ATP2B4: variants seen among roughly 807,000 people sequenced by gnomAD.
The protein encoded by ATP2B4 is plasma membrane calcium-transporting ATPase 4.
Under a neutral mutation model 110.3 loss-of-function variants are expected in ATP2B4, and 39 were observed. That is an observed-to-expected ratio of 0.35 (90% CI 0.27 to 0.46). ATP2B4 has a LOEUF of 0.46. Ranked by LOEUF, ATP2B4 falls within the 20% of genes least tolerant of loss-of-function variation. ATP2B4 has a pLI of 1.00. For missense variants in ATP2B4, 1,135 were observed against 1,530.9 expected (o/e 0.74, Z 4.32); for synonymous variants, 538 against 571.7 (o/e 0.94, Z 0.84).
chr1:203,712,386 A>G (rs1160567105), intron 13 of ATP2B4, among the ~76,000 whole-genome samples: 1 of 152,026 alleles, frequency 6.6e-6, no homozygotes, highest in African/African-American at 2.4e-5. Flanking sequence ...AGGTCAAGAG[A>G]TAGAGACCAT....
chr1:203,652,177 C>T (rs1664018811), intron 1 of ATP2B4, among the ~76,000 whole-genome samples: 1 of 143,728 alleles, frequency 7.0e-6, no homozygotes, highest in Non-Finnish European at 1.5e-5. Flanking sequence ...CAGAGTCTCA[C>T]TCTGTCCCCT....
chr1:203,715,388 A>G (rs1463097313), intron 15 of ATP2B4, among the ~76,000 whole-genome samples: 2 of 142,632 alleles, frequency 1.4e-5, no homozygotes, highest in South Asian at 2.4e-4. Context: ...CCCCAGCTCT[A>G]CTAAAAATAC....
intron 1 of ATP2B4, among the ~76,000 whole-genome samples, chr1:203,673,133 C>G (rs1664723766): frequency 6.6e-6 from 1 of 152,144 alleles, no homozygotes; most frequent in African/African-American, 2.4e-5. Context: ...TTTGGAACCT[C>G]GCAACATTTT....
chr1:203,727,733 G>C, intron 20 of ATP2B4, 162 bp downstream of exon 20: 1 of 806,092 alleles, frequency 1.2e-6, no homozygotes. Context: ...ACACGCAAAA[G>C]GATCTGTGTG....
chr1:203,686,924 A>T (rs1665210170), intron 2 of ATP2B4, among the ~76,000 whole-genome samples: 1 of 146,502 alleles, frequency 6.8e-6, no homozygotes, highest in African/African-American at 2.5e-5. Context: ...CGAACTCCTG[A>T]CCTCAGGTGA....
chr1:203,670,789 G>A (rs534073355), intron 1 of ATP2B4, among the ~76,000 whole-genome samples: 20 of 152,214 alleles, frequency 1.3e-4, no homozygotes, highest in Non-Finnish European at 2.6e-4. Context: ...CTGTCAGTTA[G>A]GACTTTAACC....
intron 1 of ATP2B4, among the ~76,000 whole-genome samples, chr1:203,630,465 C>T (rs80169465): frequency 0.021 from 3,213 of 150,888 alleles, 52 homozygotes; most frequent in Non-Finnish European, 0.034. Context: ...TGCAGACCCA[C>T]TAAGCCTTGG....
rs539003097 is a variant in ATP2B4, at chr1:203,707,921, C to T, written c.1374C>T (p.Asn458=). The T allele has an allele frequency of 6.9e-5, 112 of 1,614,148 alleles. No homozygotes were observed. The highest frequency in any genetic ancestry group is 6.4e-4 in the South Asian group (58 of 91,080). The change falls in exon 10 of 21, where the codon AAC becomes AAT. Residue 458 remains asparagine, a synonymous_variant. Transcript: ENST00000357681. ...RHLDACETMG[N]ATAICSDKTG... ...TGGATGCTTGTGAGACCATGGGCAA[C>T]GCCACCGCCATCTGCTCTGATAAGA...
chr1:203,673,290 C>A (rs1454594850), intron 1 of ATP2B4, among the ~76,000 whole-genome samples: 1 of 152,174 alleles, frequency 6.6e-6, no homozygotes, highest in Non-Finnish European at 1.5e-5. Flanking sequence ...CCCCAGTTCT[C>A]CAGAGGATCC....
intron 20 of ATP2B4, chr1:203,729,488 T>G (rs756525017): frequency 3.3e-4 from 121 of 369,004 alleles, no homozygotes; most frequent in Middle Eastern, 1.8e-3. Context: ...GAGGTTGCAG[T>G]GAGCTGAGAT....
In ATP2B4 at chr1:203,707,974, C is replaced by G; in HGVS notation, c.1427C>G (p.Thr476Ser). Reference protein sequence around the residue: ...KTGTLTMNRMTVVQAYIGGIH... With the variant: ...KTGTLTMNRMSVVQAYIGGIH... ...GGCACGTTGACCATGAACCGCATGA[C>G]TGTGGTACAAGCTTATATTGGGGGC... The change falls in exon 10 of 21, where the codon ACT becomes AGT. Residue 476 changes from threonine to serine, a missense_variant. By Grantham distance (58) the Thr-to-Ser change is moderately conservative. This residue lies in a region of ATP2B4 where 368 missense variants were observed against 455.9 expected (regional missense o/e 0.81). Coordinates refer to ENST00000357681, the MANE Select transcript of ATP2B4 (RefSeq NM_001684.5). 1 of 1,614,208 alleles carries G rather than the reference C, an allele frequency of 6.2e-7. No individual in the cohort carries two copies. Among genetic ancestry groups the G allele is most frequent in the South Asian group, 1.1e-5 (1 of 91,084 alleles).
chr1:203,640,030 T>A (rs1663579492), intron 1 of ATP2B4, among the ~76,000 whole-genome samples: 1 of 152,220 alleles, frequency 6.6e-6, no homozygotes, highest in Non-Finnish European at 1.5e-5. Context: ...TTGCCCTCTT[T>A]AAAGTTTGTA....
At chr1:203,718,264 AATTTTATTTTATTTT>A (rs140862881) in intron 15 of ATP2B4, among the ~76,000 whole-genome samples, 111 of 149,762 alleles carry the variant, frequency 7.4e-4, no homozygotes, top group Middle Eastern at 3.4e-3. Context: ...ATAACTTTCT[AATTTTATTTTATTTT>A]ATTTTATTTT....
chr1:203,709,791 G>A (rs1665953717), intron 11 of ATP2B4, among the ~76,000 whole-genome samples: 1 of 152,234 alleles, frequency 6.6e-6, no homozygotes, highest in Non-Finnish European at 1.5e-5. Flanking sequence ...TGAGAAAACA[G>A]AGATATAAGG....
At chr1:203,699,928 C>G (rs576234372) in intron 4 of ATP2B4, among the ~76,000 whole-genome samples, 24 of 152,096 alleles carry the variant, frequency 1.6e-4, no homozygotes, top group Non-Finnish European at 3.1e-4. Flanking sequence ...AGACTTGTAC[C>G]CTGTGTGTCT....
chr1:203,657,947 G>GC (rs900230000), intron 1 of ATP2B4, among the ~76,000 whole-genome samples: 3 of 151,820 alleles, frequency 2.0e-5, no homozygotes, highest in Non-Finnish European at 4.4e-5. Context: ...CAAGTGATCC[G>GC]CCCCCCTCAA....
intron 1 of ATP2B4, among the ~76,000 whole-genome samples, chr1:203,640,579 C>T (rs539712733): frequency 1.3e-5 from 2 of 152,246 alleles, no homozygotes; most frequent in East Asian, 3.9e-4. Flanking sequence ...CCCACCTTGG[C>T]CCCCCAGAGT....
chr1:203,628,965 A>C (rs1571655637), intron 1 of ATP2B4, among the ~76,000 whole-genome samples: 1 of 152,154 alleles, frequency 6.6e-6, no homozygotes, highest in Non-Finnish European at 1.5e-5. Context: ...ACCCTGAAGC[A>C]GACAAATCTG....
chr1:203,668,959 T>C (rs1355548098), intron 1 of ATP2B4, among the ~76,000 whole-genome samples: 2 of 152,236 alleles, frequency 1.3e-5, no homozygotes, highest in Non-Finnish European at 2.9e-5. Flanking sequence ...GAATGAGGTA[T>C]AGAGAAAAAT....
Sources: allele counts gnomAD v4.1 joint callset (sites outside exome capture counted in the v4.1 genomes callset), GRCh38; gene constraint gnomAD v4.1.1; regional missense constraint gnomAD v4.1.1; transcripts MANE v1.5; gene names NCBI Gene and HGNC (gene_info 2026-07-23, HGNC 2026-07-21).